The following NCK2 variants were observed in gnomAD, a reference collection of about 807,000 sequenced individuals.
The protein encoded by NCK2 is cytoplasmic protein NCK2.
In NCK2, 16 loss-of-function variants were observed where a neutral mutation model predicts 33.9. The ratio of observed to expected loss-of-function variants is 0.47; its 90% CI spans 0.32 to 0.72. The LOEUF is 0.72. Among genes scored for constraint, NCK2 ranks in the 30% least tolerant of loss-of-function variants. The pLI, the probability that NCK2 is intolerant of heterozygous loss-of-function variation, is 0.03. For synonymous variants in NCK2, 273 were observed against 239.9 expected (o/e 1.14, Z -1.27); for missense variants, 418 against 537.3 (o/e 0.78, Z 2.19).
chr2:105,866,077 G>A (rs1677740628), intron 3 of NCK2, among the ~76,000 whole-genome samples: 1 of 152,078 alleles, frequency 6.6e-6, no homozygotes, highest in Non-Finnish European at 1.5e-5. Flanking sequence ...GCCACACCCA[G>A]TTGATTTTGT....
chr2:105,878,842 A>G (rs980851313), intron 3 of NCK2, among the ~76,000 whole-genome samples: 1 of 152,198 alleles, frequency 6.6e-6, no homozygotes, highest in African/African-American at 2.4e-5. Context: ...GCTATGTGCA[A>G]TGTTCCAGTC....
chr2:105,805,263 G>A (rs914639651), intron 1 of NCK2, among the ~76,000 whole-genome samples: 7 of 152,198 alleles, frequency 4.6e-5, no homozygotes, highest in African/African-American at 9.6e-5. Flanking sequence ...TTCCCAGTAC[G>A]GGGAGGAAAT....
At chr2:105,747,514 G>A (rs908347910) in intron 1 of NCK2, among the ~76,000 whole-genome samples, 1 of 152,102 alleles carries the variant, frequency 6.6e-6, no homozygotes, top group Non-Finnish European at 1.5e-5. Context: ...GGGGGAGACA[G>A]GGCTTGCGGA....
At chr2:105,782,579 AT>A (rs1255187446) in intron 1 of NCK2, among the ~76,000 whole-genome samples, 1 of 152,180 alleles carries the variant, frequency 6.6e-6, no homozygotes, top group African/African-American at 2.4e-5. Flanking sequence ...CATAGGTAGT[AT>A]GTGGTTTTAG....
chr2:105,857,217 A>T (rs1677309027), intron 3 of NCK2: 1 of 152,130 alleles, frequency 6.6e-6, no homozygotes, highest in Non-Finnish European at 1.5e-5. Context: ...TAAAACTATG[A>T]ACCACATCTT....
At chr2:105,844,416 C>A (rs1240340844) in intron 2 of NCK2, among the ~76,000 whole-genome samples, 1 of 151,810 alleles carries the variant, frequency 6.6e-6, no homozygotes, top group East Asian at 1.9e-4. Context: ...ATAAAGGAAC[C>A]TATTTTAGTC....
intron 1 of NCK2, among the ~76,000 whole-genome samples, chr2:105,747,045 T>C (rs1022223537): frequency 5.3e-5 from 8 of 152,186 alleles, no homozygotes; most frequent in African/African-American, 1.9e-4. Context: ...ACCCCCTCTG[T>C]CCACTTGTGG....
At chr2:105,873,867 G>A (rs879698558) in intron 3 of NCK2, among the ~76,000 whole-genome samples, 38 of 152,210 alleles carry the variant, frequency 2.5e-4, no homozygotes, top group Non-Finnish European at 4.9e-4. Flanking sequence ...AGCGTGGGCA[G>A]ATGCTGCTGC....
chr2:105,865,186 C>A (rs1260897091), intron 3 of NCK2, among the ~76,000 whole-genome samples: 1 of 152,164 alleles, frequency 6.6e-6, no homozygotes, highest in Admixed American at 6.5e-5. Context: ...GTTTTCCCAG[C>A]AAATGGGCCG....
chr2:105,844,747 G>GGATATAT (rs368706967), intron 2 of NCK2, among the ~76,000 whole-genome samples: 6 of 133,620 alleles, frequency 4.5e-5, no homozygotes, highest in Non-Finnish European at 6.2e-5. Flanking sequence ...GGCGGGGGGG[G>GGATATAT]ATATATATAT....
At chr2:105,747,320 C>T (rs1359780914) in intron 1 of NCK2, among the ~76,000 whole-genome samples, 1 of 152,198 alleles carries the variant, frequency 6.6e-6, no homozygotes, top group Non-Finnish European at 1.5e-5. Flanking sequence ...GGAAATCTTC[C>T]TTGCATGTGC....
At chr2:105,792,750 C>T (rs550093334) in intron 1 of NCK2, among the ~76,000 whole-genome samples, 23 of 152,202 alleles carry the variant, frequency 1.5e-4, no homozygotes, top group African/African-American at 5.3e-4. Context: ...CAGTCTGGTG[C>T]GATTTTCTGG....
chr2:105,864,242 G>T (rs1677661147), intron 3 of NCK2, among the ~76,000 whole-genome samples: 1 of 152,130 alleles, frequency 6.6e-6, no homozygotes, highest in South Asian at 2.1e-4. Context: ...GACTGGAAGG[G>T]CCTGAGCCTG....
At chr2:105,867,195 G>A (rs1054879776) in intron 3 of NCK2, among the ~76,000 whole-genome samples, 5 of 152,042 alleles carry the variant, frequency 3.3e-5, no homozygotes, top group South Asian at 2.1e-4. Flanking sequence ...ATTGTTTATC[G>A]TCTCTTTATC....
chr2:105,821,121 C>T (rs1185843049), intron 2 of NCK2, among the ~76,000 whole-genome samples: 1 of 152,180 alleles, frequency 6.6e-6, no homozygotes, highest in African/African-American at 2.4e-5. Context: ...TCATATTATC[C>T]TCAATTTATT....
chr2:105,804,087 A>T (rs1265653557), intron 1 of NCK2, among the ~76,000 whole-genome samples: 1 of 152,120 alleles, frequency 6.6e-6, no homozygotes, highest in African/African-American at 2.4e-5. Flanking sequence ...GGCAAATTAT[A>T]TACATAGAGG....
At chr2:105,812,815 C>CTTTT (rs5833152) in intron 1 of NCK2, among the ~76,000 whole-genome samples, 6 of 142,962 alleles carry the variant, frequency 4.2e-5, no homozygotes, top group Non-Finnish European at 7.5e-5. Context: ...TTCAACAAGG[C>CTTTT]TTTTTTTTTT....
intron 1 of NCK2, among the ~76,000 whole-genome samples, chr2:105,799,211 A>C (rs978917315): frequency 6.6e-6 from 1 of 151,038 alleles, no homozygotes; most frequent in African/African-American, 2.4e-5. Flanking sequence ...AAAATTTTTT[A>C]TGTTTATGTA....
intron 1 of NCK2, among the ~76,000 whole-genome samples, chr2:105,772,727 C>G (rs1275179898): frequency 6.6e-6 from 1 of 152,034 alleles, no homozygotes; most frequent in Non-Finnish European, 1.5e-5. Context: ...TTCCCCGAAA[C>G]TCTTCTTTCT....
Sources: allele counts gnomAD v4.1 joint callset (sites outside exome capture counted in the v4.1 genomes callset), GRCh38; gene constraint gnomAD v4.1.1; transcripts MANE v1.5; gene names NCBI Gene and HGNC (gene_info 2026-07-23, HGNC 2026-07-21).